Variants in SLC17A1 observed in about 807,000 individuals in gnomAD.
SLC17A1 encodes the protein solute carrier family 17 member 1, also known as sodium-dependent phosphate transport protein 1.
A neutral mutation model predicts 53.5 loss-of-function variants in SLC17A1; 51 were observed. The ratio of observed to expected loss-of-function variants is 0.95; its 90% CI spans 0.76 to 1.20. SLC17A1 has a LOEUF of 1.20. Among genes scored for constraint, SLC17A1 ranks in the 50% most tolerant of loss-of-function variants. SLC17A1 has a pLI of 0.00. For synonymous variants in SLC17A1, 179 were observed against 198.8 expected (o/e 0.90, Z 0.84); for missense variants, 538 against 568.2 (o/e 0.95, Z 0.54).
At chr6:25,748,973 C>T in the SLC17A1 span, among the ~76,000 whole-genome samples, 2 of 152,194 alleles carry the variant, frequency 1.3e-5, no homozygotes, top group African/African-American at 4.8e-5. Flanking sequence ...ACATTCCATT[C>T]CCAGGGGCAG....
intron 10 of SLC17A1, among the ~76,000 whole-genome samples, chr6:25,801,524 T>C (rs1203695252): frequency 3.3e-5 from 5 of 152,096 alleles, no homozygotes; most frequent in Non-Finnish European, 5.9e-5. Context: ...GATAAAGGGG[T>C]CAAACCCATC....
chr6:25,777,910 C>T, the SLC17A1 span: 29 of 1,597,652 alleles, frequency 1.8e-5, no homozygotes, highest in Admixed American at 2.8e-4. Flanking sequence ...AATAGAGTAC[C>T]ATCTCTCTCT....
intron 11 of SLC17A1, among the ~76,000 whole-genome samples, chr6:25,799,752 C>T (rs1763698880): frequency 6.6e-6 from 1 of 152,174 alleles, no homozygotes; most frequent in Non-Finnish European, 1.5e-5. Flanking sequence ...TGCAGAGAAA[C>T]TAGCTCCACT....
At chr6:25,820,961 T>C (rs1004743832) in intron 3 of SLC17A1, among the ~76,000 whole-genome samples, 2 of 149,992 alleles carry the variant, frequency 1.3e-5, no homozygotes, top group African/African-American at 4.9e-5. Context: ...TTGTTGAGAC[T>C]ATGAGGGACG....
At chr6:25,781,709 C>G (rs1222576616), downstream of SLC17A1, among the ~76,000 whole-genome samples, 1 of 151,818 alleles carries the variant, frequency 6.6e-6, no homozygotes. Flanking sequence ...GAGGAGGTGC[C>G]AGGTTTTTTT....
At chr6:25,776,806 C>T in the SLC17A1 span, 1 of 1,613,920 alleles carries the variant, frequency 6.2e-7, no homozygotes, top group South Asian at 1.1e-5. Context: ...TGTCCTCCTA[C>T]CCCAGGGGTT....
the SLC17A1 span, among the ~76,000 whole-genome samples, chr6:25,728,513 T>C: frequency 6.6e-6 from 1 of 152,168 alleles, no homozygotes; most frequent in Non-Finnish European, 1.5e-5. Flanking sequence ...ATGTGCTTTC[T>C]CTACATTAAA....
the SLC17A1 span, among the ~76,000 whole-genome samples, chr6:25,769,527 C>T: frequency 4.7e-5 from 7 of 150,088 alleles, no homozygotes; most frequent in South Asian, 2.1e-4. Flanking sequence ...CACTGCACTC[C>T]GGTCTGGGTG....
chr6:25,807,903 T>C (rs1764014356), intron 10 of SLC17A1, among the ~76,000 whole-genome samples: 1 of 152,064 alleles, frequency 6.6e-6, no homozygotes, highest in Non-Finnish European at 1.5e-5. Context: ...ATTTTTGCAA[T>C]TGCGAATTGT....
the SLC17A1 span, chr6:25,732,122 T>A: frequency 1.5e-6 from 1 of 657,328 alleles, no homozygotes; most frequent in South Asian, 2.1e-5. Context: ...CTTAAAGCCC[T>A]TTTCGGAAAT....
At chr6:25,793,206 G>A (rs1763538139) in intron 12 of SLC17A1, among the ~76,000 whole-genome samples, 1 of 151,986 alleles carries the variant, frequency 6.6e-6, no homozygotes, top group Non-Finnish European at 1.5e-5. Flanking sequence ...ACTTTCCTTG[G>A]TTATTTTTTA....
the SLC17A1 span, among the ~76,000 whole-genome samples, chr6:25,748,631 C>T: frequency 3.9e-5 from 6 of 152,124 alleles, no homozygotes; most frequent in East Asian, 1.9e-4. Flanking sequence ...GGACCTGCAC[C>T]GGCACCGGTC....
At chr6:25,824,054 A>C (rs556431493) in intron 3 of SLC17A1, among the ~76,000 whole-genome samples, 1 of 152,128 alleles carries the variant, frequency 6.6e-6, no homozygotes, top group South Asian at 2.1e-4. Flanking sequence ...CATATGTAAA[A>C]AAAGATATTT....
intron 10 of SLC17A1, among the ~76,000 whole-genome samples, chr6:25,808,410 C>T (rs1004093167): frequency 6.6e-6 from 1 of 151,808 alleles, no homozygotes; most frequent in Non-Finnish European, 1.5e-5. Flanking sequence ...ACACTATTCC[C>T]CTGATGGATG....
At chr6:25,792,019 C>A (rs1763511861) in intron 12 of SLC17A1, among the ~76,000 whole-genome samples, 1 of 152,192 alleles carries the variant, frequency 6.6e-6, no homozygotes, top group African/African-American at 2.4e-5. Context: ...ATCCTTCAAG[C>A]CAATTCTTCA....
chr6:25,784,828 G>A (rs1054327376), intron 12 of SLC17A1, among the ~76,000 whole-genome samples: 3 of 152,096 alleles, frequency 2.0e-5, no homozygotes, highest in Non-Finnish European at 2.9e-5. Context: ...TTTAAAATAT[G>A]TGTTTTCTCT....
At chr6:25,803,302 T>C (rs1476660621) in intron 10 of SLC17A1, among the ~76,000 whole-genome samples, 3 of 152,076 alleles carry the variant, frequency 2.0e-5, no homozygotes, top group Admixed American at 6.5e-5. Flanking sequence ...CTCATTTCTC[T>C]AGCACTGAGT....
At chr6:25,825,482 T>C (rs1764708914) in intron 3 of SLC17A1, among the ~76,000 whole-genome samples, 2 of 152,176 alleles carry the variant, frequency 1.3e-5, no homozygotes, top group African/African-American at 4.8e-5. Flanking sequence ...CTCTCCTTAT[T>C]TGCATGGTTT....
chr6:25,779,160 C>T (rs755863298), downstream of SLC17A1: 17 of 1,613,684 alleles, frequency 1.1e-5, no homozygotes, highest in African/African-American at 1.3e-4. Context: ...CAGGACTGGG[C>T]TAAAGAGCAG....
Sources: allele counts gnomAD v4.1 joint callset (sites outside exome capture counted in the v4.1 genomes callset), GRCh38; gene constraint gnomAD v4.1.1; transcripts MANE v1.5; gene names NCBI Gene and HGNC (gene_info 2026-07-23, HGNC 2026-07-21).